The following UBE2E1 variants were observed in gnomAD, a reference collection of about 807,000 sequenced individuals.
UBE2E1 encodes the protein ubiquitin conjugating enzyme E2 E1.
A neutral mutation model predicts 21.4 loss-of-function variants in UBE2E1; 6 were observed. That is an observed-to-expected ratio of 0.28 (90% CI 0.15 to 0.55). The LOEUF (loss-of-function observed/expected upper bound fraction) is 0.55. Among genes scored for constraint, UBE2E1 ranks in the 20% least tolerant of loss-of-function variants. UBE2E1 has a pLI of 0.93. For missense variants in UBE2E1, 142 were observed against 236.5 expected (o/e 0.60, Z 2.62); for synonymous variants, 87 against 82.7 (o/e 1.05, Z -0.28).
chr3:23,841,031 C>T (rs1157657105), intron 3 of UBE2E1, among the ~76,000 whole-genome samples: 1 of 152,062 alleles, frequency 6.6e-6, no homozygotes, highest in South Asian at 2.1e-4. Flanking sequence ...ACTTTACAGC[C>T]CATGATACTT....
chr3:23,883,129 C>A (rs1017441155), intron 3 of UBE2E1, among the ~76,000 whole-genome samples: 1 of 152,188 alleles, frequency 6.6e-6, no homozygotes, highest in African/African-American at 2.4e-5. Flanking sequence ...CCTCCTTTTC[C>A]CAATTCAGGA....
chr3:23,884,972 G>C (rs1160193898), intron 3 of UBE2E1, among the ~76,000 whole-genome samples: 2 of 152,156 alleles, frequency 1.3e-5, no homozygotes, highest in African/African-American at 4.8e-5. Context: ...TGTCATAGCT[G>C]TATCAGCCAG....
intron 3 of UBE2E1, among the ~76,000 whole-genome samples, chr3:23,825,930 G>T (rs974626343): frequency 2.0e-5 from 3 of 152,178 alleles, no homozygotes; most frequent in Non-Finnish European, 4.4e-5. Flanking sequence ...ATTCCCCGCT[G>T]TTAGGAGACT....
chr3:23,877,371 TC>T (rs1399074870), intron 3 of UBE2E1, among the ~76,000 whole-genome samples: 4 of 152,206 alleles, frequency 2.6e-5, no homozygotes, highest in Admixed American at 2.0e-4. Flanking sequence ...TTGAAGCTCT[TC>T]CCTTTACTAG....
At chr3:23,824,820 A>G (rs567017395) in intron 3 of UBE2E1, among the ~76,000 whole-genome samples, 2 of 150,190 alleles carry the variant, frequency 1.3e-5, no homozygotes, top group Admixed American at 1.3e-4. Flanking sequence ...CTCCCTTAAG[A>G]AAAAAAAAAT....
At chr3:23,822,687 A>T (rs985073636) in intron 3 of UBE2E1, among the ~76,000 whole-genome samples, 1 of 152,256 alleles carries the variant, frequency 6.6e-6, no homozygotes, top group Non-Finnish European at 1.5e-5. Context: ...ATCCTTAAAA[A>T]TATTTTACAT....
At chr3:23,880,120 C>G (rs13070128) in intron 3 of UBE2E1, among the ~76,000 whole-genome samples, 30,449 of 152,078 alleles carry the variant, frequency 0.2, 4,586 homozygotes, top group African/African-American at 0.42. Context: ...CAGTGGCTCA[C>G]GCCTGTAATC....
intron 3 of UBE2E1, among the ~76,000 whole-genome samples, chr3:23,869,771 A>C (rs4024642): frequency 0.8 from 117,513 of 147,782 alleles, 47,888 homozygotes; most frequent in African/African-American, 0.95. Context: ...ATTAAGCCAA[A>C]CCCCACAGGG....
At chr3:23,819,271 G>A (rs577291408) in intron 3 of UBE2E1, among the ~76,000 whole-genome samples, 1 of 152,068 alleles carries the variant, frequency 6.6e-6, no homozygotes, top group African/African-American at 2.4e-5. Context: ...GTGACAGAGC[G>A]AGACGCCATC....
At chr3:23,861,338 G>A (rs1017108217) in intron 3 of UBE2E1, among the ~76,000 whole-genome samples, 2 of 152,174 alleles carry the variant, frequency 1.3e-5, no homozygotes, top group Admixed American at 1.3e-4. Context: ...TGAATTGTTT[G>A]ATGTTTTCAG....
At position 23,807,235 on chromosome 3, in the gene UBE2E1, A is replaced by G; in HGVS notation, c.-33-2A>G. Reference sequence around the variant, plus strand: ...TTCTGTTTTGTTTCTCTCCCCCTGCAGGGGCTGTTTGCGGGGTGGGGTGGG... The same window carrying G: ...TTCTGTTTTGTTTCTCTCCCCCTGCGGGGGCTGTTTGCGGGGTGGGGTGGG... On this transcript the variant is annotated splice_acceptor_variant, in intron 1 of 5. Coordinates refer to ENST00000306627, the MANE Select transcript of UBE2E1 (RefSeq NM_003341.5). LOFTEE classifies it low-confidence loss of function (5UTR_SPLICE). 1.3e-6 allele frequency: 2 copies of G among 1,596,178 alleles called. No homozygotes were observed.
chr3:23,824,407 C>T (rs1405394766), intron 3 of UBE2E1, among the ~76,000 whole-genome samples: 1 of 152,166 alleles, frequency 6.6e-6, no homozygotes, highest in Non-Finnish European at 1.5e-5. Context: ...CATTCTGTCT[C>T]CAGATGACTG....
In UBE2E1 at chr3:23,876,668, A is replaced by G. The variant is rs1353778536; in HGVS notation, c.204-10899A>G. ...TTTTGTTTTTTGTCTTAATAGAGCTAGGCATTACCAGGGTTGATGCATATT... is the reference window on the plus strand; with the variant it reads ...TTTTGTTTTTTGTCTTAATAGAGCTGGGCATTACCAGGGTTGATGCATATT... On this transcript the variant is annotated intron_variant, in intron 3 of 5. Coordinates refer to ENST00000306627, the MANE Select transcript of UBE2E1 (RefSeq NM_003341.5). This position sits in a 1 kb window ranked among gnomAD's most constrained non-coding sequence, Gnocchi z 4.3. Among the ~76,000 whole-genome samples, 1 of 152,092 alleles carries G rather than the reference A, an allele frequency of 6.6e-6. No individual in the cohort carries two copies. The highest frequency in any genetic ancestry group is 2.4e-5 in the African/African-American group (1 of 41,406).
At chr3:23,834,056 A>C (rs796554604) in intron 3 of UBE2E1, among the ~76,000 whole-genome samples, 3 of 152,366 alleles carry the variant, frequency 2.0e-5, no homozygotes, top group African/African-American at 7.2e-5. Flanking sequence ...CTTATGGTAA[A>C]AAATAAATAA....
At chr3:23,857,344 G>A (rs1191906834) in intron 3 of UBE2E1, among the ~76,000 whole-genome samples, 1 of 152,062 alleles carries the variant, frequency 6.6e-6, no homozygotes, top group Non-Finnish European at 1.5e-5. Flanking sequence ...AAGACCACAT[G>A]TTTATCTTAG....
In UBE2E1 at chr3:23,842,198, G is replaced by GGTGTGTGTGTGTGTGT. The variant is rs55941535; in HGVS notation, c.203+30724_203+30739dup. On this transcript the variant is annotated intron_variant, in intron 3 of 5. Transcript: ENST00000306627. This position sits in a 1 kb window ranked among gnomAD's most constrained non-coding sequence, Gnocchi z 4.6. Reference sequence around the variant, plus strand: ...TATGTCATGACCCAGTAAGTGAAGGGGTGTGTGTGTGTGTGTGTGTGTGTG... The same window carrying GGTGTGTGTGTGTGTGT: ...TATGTCATGACCCAGTAAGTGAAGGGGTGTGTGTGTGTGTGTGTGTGTGTGTGTGTGTGTGTGTGTG... Among the ~76,000 whole-genome samples the GGTGTGTGTGTGTGTGT allele has an allele frequency of 6.8e-4, 71 of 104,342 alleles. 1 individual carries two copies. Among genetic ancestry groups the GGTGTGTGTGTGTGTGT allele is most frequent in the Non-Finnish European group, 8.5e-4 (43 of 50,882 alleles). 68.5% of individuals were successfully genotyped at this position (104,342 alleles called of 152,430 possible).
rs1699277211 is a variant in UBE2E1, at chr3:23,806,600, C to T, written c.-34+512C>T. Among the ~76,000 whole-genome samples the T allele has an allele frequency of 6.6e-6, 1 of 151,554 alleles. No individual in the cohort carries two copies. The highest frequency in any genetic ancestry group is 1.5e-5 in the Non-Finnish European group (1 of 67,770). Reference sequence around the variant, plus strand: ...CCCCGCCCGGCCGCATAGCTGTGAGCAGGGCGGCCAGAGGCAGGCAGGCCG... The same window carrying T: ...CCCCGCCCGGCCGCATAGCTGTGAGTAGGGCGGCCAGAGGCAGGCAGGCCG... On this transcript the variant is annotated intron_variant, in intron 1 of 5. Coordinates refer to ENST00000306627, the MANE Select transcript of UBE2E1 (RefSeq NM_003341.5). The surrounding 1 kb of genome is among the most constrained non-coding windows in gnomAD (Gnocchi z 6.5).
Position 23,870,631 on chromosome 3 carries a change from A to G in UBE2E1, c.204-16936A>G, listed in dbSNP as rs2125319393. On this transcript the variant is annotated intron_variant, in intron 3 of 5. Transcript: ENST00000306627. The surrounding 1 kb of genome is among the most constrained non-coding windows in gnomAD (Gnocchi z 4.2). ...TGGCTTCTCTTATTTCCAAAACTAT[A>G]AAACTGTTCACTTATATTTTCTTCA... is the stretch of plus-strand genomic sequence containing the variant. 6.6e-6 allele frequency among the ~76,000 whole-genome samples: 1 copy of G among 152,326 alleles called. No individual in the cohort carries two copies. Among genetic ancestry groups the G allele is most frequent in the East Asian group, 1.9e-4 (1 of 5,192 alleles).
chr3:23,840,607 T>C (rs2125299950), intron 3 of UBE2E1, among the ~76,000 whole-genome samples: 1 of 152,322 alleles, frequency 6.6e-6, no homozygotes, highest in South Asian at 2.1e-4. Context: ...CCAGGGTCTT[T>C]TTCTTTCTGA....
Sources: gnomAD v4.1 joint callset for allele counts (sites outside exome capture counted in the v4.1 genomes callset) on GRCh38, gnomAD v4.1.1 for gene constraint, Gnocchi (gnomAD v3.1) non-coding constraint, MANE v1.5 for transcripts, NCBI Gene and HGNC (gene_info 2026-07-23, HGNC 2026-07-21) for gene names.